The following IRAK4 variants were observed in gnomAD, a reference collection of about 807,000 sequenced individuals.
IRAK4 encodes the protein interleukin-1 receptor-associated kinase 4.
A neutral mutation model predicts 51.8 loss-of-function variants in IRAK4; 44 were observed. The ratio of observed to expected loss-of-function variants is 0.85; its 90% CI spans 0.67 to 1.09. The LOEUF is 1.09. Ranked by LOEUF, IRAK4 falls within the 50% of genes least tolerant of loss-of-function variation. The pLI, the probability that IRAK4 is intolerant of heterozygous loss-of-function variation, is 0.00. For missense variants in IRAK4, 487 were observed against 538.0 expected (o/e 0.91, Z 0.94); for synonymous variants, 149 against 174.1 (o/e 0.86, Z 1.13).
At chr12:43,784,762 C>G (rs1025030180) in intron 10 of IRAK4, among the ~76,000 whole-genome samples, 2 of 152,106 alleles carry the variant, frequency 1.3e-5, no homozygotes, top group Non-Finnish European at 2.9e-5. Flanking sequence ...CTCTTTCACC[C>G]ATTCTTAAGG....
intron 4 of IRAK4, 46 bp from the exon 5 acceptor site, chr12:43,772,866 A>C: frequency 7.2e-7 from 1 of 1,384,572 alleles, no homozygotes; most frequent in Non-Finnish European, 1.0e-6. Context: ...ATAATTATTA[A>C]AACGAATTTT....
At chr12:43,781,408 T>C (rs1005373683) in intron 8 of IRAK4, among the ~76,000 whole-genome samples, 6 of 152,220 alleles carry the variant, frequency 3.9e-5, no homozygotes, top group African/African-American at 1.4e-4. Context: ...CAGGATAAAA[T>C]GCAAATTATC....
At chr12:43,786,656 TG>T in intron 11 of IRAK4, 23 bp from the exon 12 acceptor site, 1 of 1,612,650 alleles carries the variant, frequency 6.2e-7, no homozygotes, top group Non-Finnish European at 8.5e-7. Flanking sequence ...GTGGTTCTTT[TG>T]TTTTTTTCTT....
chr12:43,762,909 C>T (rs1939719362), intron 1 of IRAK4, among the ~76,000 whole-genome samples: 1 of 152,214 alleles, frequency 6.6e-6, no homozygotes, highest in South Asian at 2.1e-4. Flanking sequence ...ATTTAAACCT[C>T]TGCTTCCTTC....
chr12:43,764,201 A>G (rs909076996), intron 1 of IRAK4, among the ~76,000 whole-genome samples: 4 of 152,226 alleles, frequency 2.6e-5, no homozygotes, highest in African/African-American at 7.2e-5. Flanking sequence ...AGGTGGGCAG[A>G]TCACCTGAGG....
chr12:43,762,964 T>C (rs1327701603), intron 1 of IRAK4, among the ~76,000 whole-genome samples: 1 of 152,246 alleles, frequency 6.6e-6, no homozygotes, highest in Non-Finnish European at 1.5e-5. Context: ...GGCTGATTTC[T>C]TCACCCTATA....
intron 10 of IRAK4, among the ~76,000 whole-genome samples, chr12:43,784,761 C>T (rs1942066823): frequency 6.6e-6 from 1 of 152,026 alleles, no homozygotes; most frequent in African/African-American, 2.4e-5. Context: ...ACTCTTTCAC[C>T]CATTCTTAAG....
At chr12:43,770,638 C>T (rs4251466) in intron 2 of IRAK4, among the ~76,000 whole-genome samples, 18,846 of 152,164 alleles carry the variant, frequency 0.12, 1,350 homozygotes, top group African/African-American at 0.19. Context: ...TCCTGTCTCT[C>T]TGTAATTCTT....
In IRAK4 at chr12:43,777,654, A is replaced by G. The variant is rs2137999182; in HGVS notation, c.741A>G (p.Glu247=). The G allele has an allele frequency of 6.2e-7, 1 of 1,609,244 alleles. No individual in the cohort carries two copies. The highest frequency in any genetic ancestry group is 8.5e-7 in the Non-Finnish European group (1 of 1,177,672). The change falls in exon 7 of 12, where the codon GAA becomes GAG. Residue 247 remains glutamate (E), a synonymous_variant. Coordinates refer to ENST00000613694, the MANE Select transcript of IRAK4 (RefSeq NM_016123.4). ...MAKCQHENLV[E]LLGFSSDGDD... ...GGTGTCAACATGAAAACTTAGTAGA[A>G]CTACTTGGTTTCTCAAGTGATGGAG... is the stretch of plus-strand genomic sequence containing the variant.
chr12:43,782,581 A>G (rs1056786511), intron 9 of IRAK4, 91 bp downstream of exon 9: 2 of 1,057,342 alleles, frequency 1.9e-6, no homozygotes, highest in East Asian at 5.2e-5. Context: ...CATCTTGTTT[A>G]TCTCTCTTAT....
rs751881820 is a variant in IRAK4 at position 43,771,243 on chromosome 12, C to G, written c.185C>G (p.Thr62Ser). ...HIRRFEALLQ[T>S]GKSPTSELLF... is the part of the protein sequence containing the mutation. ...AGGAGATTTGAAGCATTACTTCAAA[C>G]TGGAAAAAGTCCCACTTCTGAATTA... The change falls in exon 3 of 12, where the codon ACT (threonine) becomes AGT (serine). Residue 62 changes from threonine to serine, a missense_variant. Coordinates refer to ENST00000613694, the MANE Select transcript of IRAK4 (RefSeq NM_016123.4). The G allele has an allele frequency of 1.9e-6, 3 of 1,613,856 alleles. No individual in the cohort carries two copies. The highest frequency in any genetic ancestry group is 1.3e-5 in the African/African-American group (1 of 75,028).
intron 9 of IRAK4, among the ~76,000 whole-genome samples, chr12:43,782,877 G>A (rs1017127277): frequency 1.3e-5 from 2 of 152,046 alleles, no homozygotes; most frequent in Non-Finnish European, 2.9e-5. Flanking sequence ...AAGAAGCCGG[G>A]GGCTTTTTCT....
intron 3 of IRAK4, 51 bp from the exon 4 acceptor site, chr12:43,772,129 C>T (rs770550706): frequency 6.9e-7 from 1 of 1,458,996 alleles, no homozygotes; most frequent in Non-Finnish European, 9.6e-7. Flanking sequence ...AACTTTTTCA[C>T]AACCACTTTT....
intron 3 of IRAK4, 65 bp from the exon 4 acceptor site, chr12:43,772,115 G>GT: frequency 7.7e-7 from 1 of 1,300,284 alleles, no homozygotes. Flanking sequence ...CAAGTTTCTA[G>GT]TTTAACTTTT....
At chr12:43,780,894 G>C (rs1185009762) in intron 8 of IRAK4, among the ~76,000 whole-genome samples, 1 of 152,102 alleles carries the variant, frequency 6.6e-6, no homozygotes, top group Non-Finnish European at 1.5e-5. Flanking sequence ...TTTGCTGAGT[G>C]ATATTATGTT....
intron 8 of IRAK4, among the ~76,000 whole-genome samples, chr12:43,778,709 T>C (rs1941515918): frequency 6.6e-6 from 1 of 152,082 alleles, no homozygotes; most frequent in Admixed American, 6.6e-5. Flanking sequence ...TATTCATATA[T>C]AGAGCTCAAC....
chr12:43,763,519 A>G (rs999292757), intron 1 of IRAK4: 3 of 152,202 alleles, frequency 2.0e-5, no homozygotes, highest in Non-Finnish European at 2.9e-5. Context: ...AAATGAATTA[A>G]TAAGTAATTT....
intron 2 of IRAK4, 42 bp from the exon 3 acceptor site, chr12:43,771,178 A>G: frequency 6.5e-7 from 1 of 1,535,564 alleles, no homozygotes; most frequent in Non-Finnish European, 9.0e-7. Flanking sequence ...AAATGGACTA[A>G]GACAATAGAC....
At chr12:43,773,901 A>C in intron 5 of IRAK4, 64 bp from the exon 6 acceptor site, 1 of 1,011,434 alleles carries the variant, frequency 9.9e-7, no homozygotes, top group Non-Finnish European at 1.6e-6. Context: ...TGATCTCTTG[A>C]TCCCTCTGAG....
Sources: gnomAD v4.1 joint callset for allele counts (sites outside exome capture counted in the v4.1 genomes callset) on GRCh38, gnomAD v4.1.1 for gene constraint, MANE v1.5 for transcripts, NCBI Gene and HGNC (gene_info 2026-07-23, HGNC 2026-07-21) for gene names.